ADCY2: variants seen among roughly 807,000 people sequenced by gnomAD.
The protein encoded by ADCY2 is adenylate cyclase type 2.
Under a neutral mutation model 125.2 loss-of-function variants are expected in ADCY2, and 31 were observed. The observed-to-expected ratio is 0.25, with a 90% confidence interval of 0.19 to 0.33. The LOEUF is 0.33. ADCY2 is among the 10% of genes least tolerant of loss of function. The probability of loss-of-function intolerance (pLI) is 1.00; values close to 1 mark genes in which losing one functional copy is unlikely to be tolerated. For missense variants in ADCY2, 904 were observed against 1,418.2 expected, an observed-to-expected ratio of 0.64 and a Z score of 5.82; for synonymous variants, 512 against 548.4, an observed-to-expected ratio of 0.93 and a Z score of 0.93.
At chr5:7,578,875 A>G (rs1736336223) in intron 3 of ADCY2, among the ~76,000 whole-genome samples, 1 of 152,112 alleles carries the variant, frequency 6.6e-6, no homozygotes, top group Non-Finnish European at 1.5e-5. Flanking sequence ...AATACGGTCC[A>G]TCCTGGTTGG....
At chr5:7,411,560 C>CT (rs1739718456) in intron 1 of ADCY2, among the ~76,000 whole-genome samples, 2 of 152,036 alleles carry the variant, frequency 1.3e-5, no homozygotes, top group African/African-American at 2.4e-5. Context: ...TTGCAGGACT[C>CT]TAAGAGGGCT....
At chr5:7,807,148 A>T (rs1365133938) in intron 22 of ADCY2, among the ~76,000 whole-genome samples, 2 of 152,190 alleles carry the variant, frequency 1.3e-5, no homozygotes, top group Admixed American at 1.3e-4. Context: ...GACCTGTTCC[A>T]CAATCAGTGT....
intron 2 of ADCY2, among the ~76,000 whole-genome samples, chr5:7,485,424 T>C (rs1235577067): frequency 6.6e-6 from 1 of 152,166 alleles, no homozygotes; most frequent in Non-Finnish European, 1.5e-5. Flanking sequence ...AAATTAAGTT[T>C]AATTTCAGCA....
intron 1 of ADCY2, among the ~76,000 whole-genome samples, chr5:7,404,646 T>G (rs969851975): frequency 1.3e-5 from 2 of 152,216 alleles, no homozygotes; most frequent in African/African-American, 4.8e-5. Context: ...CATTCATTTT[T>G]TTATTGGCCA....
intron 13 of ADCY2, 105 bp from the exon 14 acceptor site, chr5:7,727,059 A>G (rs1262643954): frequency 9.9e-6 from 8 of 805,544 alleles, no homozygotes; most frequent in East Asian, 5.1e-5. Flanking sequence ...AATCTGCACA[A>G]TTTCTGAGTG....
chr5:7,445,863 T>C (rs1350425849), intron 2 of ADCY2, among the ~76,000 whole-genome samples: 2 of 152,226 alleles, frequency 1.3e-5, no homozygotes, highest in Non-Finnish European at 1.5e-5. Context: ...AATCCTCATA[T>C]TGTTTTCAAC....
At chr5:7,542,106 G>C (rs1270680176) in intron 3 of ADCY2, among the ~76,000 whole-genome samples, 1 of 152,116 alleles carries the variant, frequency 6.6e-6, no homozygotes, top group Non-Finnish European at 1.5e-5. Context: ...AGATGACTCA[G>C]TGGCTCAGCT....
At chr5:7,631,293 G>A (rs1738302211) in intron 4 of ADCY2, among the ~76,000 whole-genome samples, 1 of 152,182 alleles carries the variant, frequency 6.6e-6, no homozygotes, top group Non-Finnish European at 1.5e-5. Context: ...CAGATTCCAA[G>A]GATTAAGATG....
At chr5:7,423,810 C>T (rs1243188311) in intron 2 of ADCY2, among the ~76,000 whole-genome samples, 2 of 152,112 alleles carry the variant, frequency 1.3e-5, no homozygotes. Context: ...GGAACATTCT[C>T]TCTGCTCCTC....
chr5:7,812,186 C>T lies in ADCY2; in HGVS notation c.2884-4680C>T, dbSNP rs1463948734. On this transcript the variant is annotated intron_variant, in intron 22 of 24. Transcript: ENST00000338316. The stretch of plus-strand genomic sequence containing the variant: ...CCCAGTTCCCTTCACTGGTAAGAAT[C>T]GAGAATAGCTTAGGTCTCTGTGGAA... Among the ~76,000 whole-genome samples the T allele has an allele frequency of 3.3e-5, 5 of 152,088 alleles. No homozygotes were observed. The South Asian group carries it at 8.3e-4, about 25-fold the overall frequency.
chr5:7,795,160 C>T (rs1045138189), intron 20 of ADCY2: 1 of 152,236 alleles, frequency 6.6e-6, no homozygotes, highest in Non-Finnish European at 1.5e-5. Flanking sequence ...AGCCCTGGCA[C>T]CTCTTGGCTA....
intron 3 of ADCY2, among the ~76,000 whole-genome samples, chr5:7,556,551 GTT>G (rs1735512515): frequency 6.6e-6 from 1 of 152,176 alleles, no homozygotes; most frequent in African/African-American, 2.4e-5. Context: ...AACATTATAT[GTT>G]TTGAGTTTAA....
At chr5:7,476,411 G>A (rs1742527566) in intron 2 of ADCY2, among the ~76,000 whole-genome samples, 1 of 152,188 alleles carries the variant, frequency 6.6e-6, no homozygotes, top group South Asian at 2.1e-4. Flanking sequence ...TCCTGTGAGG[G>A]AAGTGTGGGG....
intron 22 of ADCY2, among the ~76,000 whole-genome samples, chr5:7,815,753 C>T (rs1022523534): frequency 6.6e-6 from 1 of 152,196 alleles, no homozygotes; most frequent in African/African-American, 2.4e-5. Context: ...ATTCCCTCCT[C>T]CTCGTGGGAT....
intron 2 of ADCY2, among the ~76,000 whole-genome samples, chr5:7,445,008 A>C (rs1234656092): frequency 6.6e-6 from 1 of 152,076 alleles, no homozygotes; most frequent in African/African-American, 2.4e-5. Flanking sequence ...TTTACCTTTG[A>C]TTTAAGTTGC....
At chr5:7,806,546 C>T (rs1176084878) in intron 22 of ADCY2, among the ~76,000 whole-genome samples, 1 of 152,212 alleles carries the variant, frequency 6.6e-6, no homozygotes, top group Non-Finnish European at 1.5e-5. Context: ...GCTGAGGGCT[C>T]CTCTTCTGTC....
At chr5:7,707,223 G>T (rs899349751) in intron 8 of ADCY2, among the ~76,000 whole-genome samples, 2 of 152,172 alleles carry the variant, frequency 1.3e-5, no homozygotes, top group African/African-American at 4.8e-5. Flanking sequence ...CATCTGTCTA[G>T]AACTGTTGAC....
chr5:7,681,586 A>G lies in ADCY2; in HGVS notation c.721-9105A>G, dbSNP rs150057589. 4.4e-3 allele frequency among the ~76,000 whole-genome samples: 663 copies of G among 152,280 alleles called. 1 individual carries two copies. The highest frequency in any genetic ancestry group is 0.01 in the Admixed American group (157 of 15,292). On this transcript the variant is annotated intron_variant, in intron 4 of 24. Coordinates refer to ENST00000338316, the MANE Select transcript of ADCY2 (RefSeq NM_020546.3). ...TTTCCGGAAATCTCCCCAGTTGACA[A>G]TATTTTCAAAGGAAGCCTTCTGATA...
chr5:7,483,409 C>T (rs1478597725), intron 2 of ADCY2, among the ~76,000 whole-genome samples: 1 of 149,522 alleles, frequency 6.7e-6, no homozygotes, highest in Non-Finnish European at 1.5e-5. Flanking sequence ...TTGAAAACTG[C>T]AGTACATAAA....
Sources: allele counts gnomAD v4.1 joint callset (sites outside exome capture counted in the v4.1 genomes callset), GRCh38; gene constraint gnomAD v4.1.1; transcripts MANE v1.5; gene names NCBI Gene and HGNC (gene_info 2026-07-23, HGNC 2026-07-21).